LRRC46: variants seen among roughly 807,000 people sequenced by gnomAD.
The protein encoded by LRRC46 is leucine-rich repeat-containing protein 46.
LRRC46 carries 20 observed loss-of-function variants against 28.0 expected under a neutral mutation model. The observed-to-expected ratio is 0.71, with a 90% confidence interval of 0.50 to 1.04. LRRC46 has a LOEUF of 1.04. Among genes scored for constraint, LRRC46 ranks in the 50% least tolerant of loss-of-function variants. The pLI, the probability that LRRC46 is intolerant of heterozygous loss-of-function variation, is 0.00. For synonymous variants in LRRC46, 156 were observed against 158.8 expected (o/e 0.98, Z 0.13); for missense variants, 315 against 390.1 (o/e 0.81, Z 1.62).
At chr17:47,832,530 T>TA (rs1345975333) in intron 2 of LRRC46, among the ~76,000 whole-genome samples, 2 of 151,838 alleles carry the variant, frequency 1.3e-5, no homozygotes, top group Non-Finnish European at 2.9e-5. Context: ...CTCTAAAAAA[T>TA]AAAAATAAAC....
chr17:47,832,400 C>G (rs1163235131), intron 2 of LRRC46, among the ~76,000 whole-genome samples, 195 bp downstream of exon 2: 1 of 152,182 alleles, frequency 6.6e-6, no homozygotes, highest in Non-Finnish European at 1.5e-5. Flanking sequence ...ACTCAACTGT[C>G]TTAGATAAGG....
rs371365977 is a variant in LRRC46 at position 47,836,014 on chromosome 17, C to T, written c.383-19C>T. On this transcript the variant is annotated intron_variant, in intron 5 of 7. Coordinates refer to ENST00000269025, the MANE Select transcript of LRRC46 (RefSeq NM_033413.4). This position sits in a 1 kb window ranked among gnomAD's most constrained non-coding sequence, Gnocchi z 5.8. ...AGATCAAGTGAGAACCCCATTTCCTCTCTCTTTGCTGTGTGCAGATGAGTT... is the reference window on the plus strand; with the variant it reads ...AGATCAAGTGAGAACCCCATTTCCTTTCTCTTTGCTGTGTGCAGATGAGTT... 1.7e-5 allele frequency: 27 copies of T among 1,613,740 alleles called. No homozygotes were observed. The Admixed American group carries it at 4.0e-4, about 24-fold the overall frequency.
Position 47,831,788 on chromosome 17 carries a change from C to G in LRRC46, c.-202C>G, listed in dbSNP as rs748208109. On this transcript the variant is annotated 5_prime_UTR_variant, in exon 1 of 8. Coordinates refer to ENST00000269025, the MANE Select transcript of LRRC46 (RefSeq NM_033413.4). ...GCAAAGCCCCTCCACACCCCTCAAA[C>G]TCCAGACCCTTCACATCAATTTACT... 1.1e-5 allele frequency: 8 copies of G among 699,120 alleles called. No homozygotes were observed. The highest frequency in any genetic ancestry group is 1.9e-5 in the South Asian group (1 of 52,972). 43.3% of individuals were successfully genotyped at this position (699,120 alleles called of 1,614,324 possible).
At chr17:47,835,426 G>A (rs769794199) in intron 4 of LRRC46, 27 bp downstream of exon 4, 79 of 1,613,078 alleles carry the variant, frequency 4.9e-5, no homozygotes, top group Non-Finnish European at 6.3e-5. Context: ...CTCAGGCAGG[G>A]GAAGAGGGGT....
Position 47,832,204 on chromosome 17 carries a change from A to C in LRRC46, c.115A>C (p.Met39Leu). The C allele has an allele frequency of 1.3e-6, 2 of 1,581,922 alleles. No individual in the cohort carries two copies. The highest frequency in any genetic ancestry group is 1.7e-6 in the Non-Finnish European group (2 of 1,161,670). ...TGAAGATGGGGAACTGTCAGAGAAG[A>C]TGTGAGTGCATGGGGGAGAAAAGGG... The part of the protein sequence containing the change: ...FPEDGELSEK[M>L]FHTLDELQTV... Residue 39 changes from methionine (M) to leucine (L), a missense_variant and splice_region_variant, in exon 2 of 8, where the codon ATG becomes CTG. Coordinates refer to ENST00000269025, the MANE Select transcript of LRRC46 (RefSeq NM_033413.4).
Position 47,837,199 on chromosome 17 carries a change from C to A in LRRC46, c.*79C>A. 4 of 1,550,858 alleles carry A rather than the reference C, an allele frequency of 2.6e-6. No individual in the cohort carries two copies. Among genetic ancestry groups the A allele is most frequent in the Non-Finnish European group, 1.7e-6 (2 of 1,153,740 alleles). On this transcript the variant is annotated 3_prime_UTR_variant, in exon 8 of 8. Transcript: ENST00000269025. ...TCAGACCTCTGACCTGTGACAGAAG[C>A]CCATCCCCAGTAAAGTGTCTCTAGG...
At chr17:47,833,990 T>A in intron 2 of LRRC46, 1 of 986,782 alleles carries the variant, frequency 1.0e-6, no homozygotes, top group Non-Finnish European at 1.2e-6. Flanking sequence ...TGTTGTGGAA[T>A]GAATGAATGG....
In LRRC46 at chr17:47,836,142, T is replaced by C; in HGVS notation, c.452+40T>C. The stretch of plus-strand genomic sequence containing the variant: ...GTGGGAAGAAAGGTCATGGCTGAGC[T>C]CTACCTGCTAACTCAGCCCAGACCC... On this transcript the variant is annotated intron_variant, in intron 6 of 7. Transcript: ENST00000269025. This position sits in a 1 kb window ranked among gnomAD's most constrained non-coding sequence, Gnocchi z 5.8. 1 of 1,609,318 alleles carries C rather than the reference T, an allele frequency of 6.2e-7. No homozygotes were observed. Among genetic ancestry groups the C allele is most frequent in the Non-Finnish European group, 8.5e-7 (1 of 1,175,750 alleles).
At position 47,831,788 on chromosome 17, in the gene LRRC46, C is replaced by A; in HGVS notation, c.-202C>A. 1 of 699,118 alleles carries A rather than the reference C, an allele frequency of 1.4e-6. No homozygotes were observed. The highest frequency in any genetic ancestry group is 2.4e-6 in the Non-Finnish European group (1 of 412,206). 43.3% of individuals were successfully genotyped at this position (699,118 alleles called of 1,614,324 possible). A position where few individuals can be genotyped will look rare whatever the true frequency, so the allele number is the denominator to read the frequency against. ...GCAAAGCCCCTCCACACCCCTCAAA[C>A]TCCAGACCCTTCACATCAATTTACT... is the stretch of plus-strand genomic sequence containing the variant. On this transcript the variant is annotated 5_prime_UTR_variant, in exon 1 of 8. Transcript: ENST00000269025.
Position 47,837,182 on chromosome 17 carries a change from C to G in LRRC46, c.*62C>G. 6.4e-7 allele frequency: 1 copy of G among 1,570,592 alleles called. No homozygotes were observed. Among genetic ancestry groups the G allele is most frequent in the Non-Finnish European group, 8.6e-7 (1 of 1,167,326 alleles). ...GGGGCCTGCCCCTCTTCTCAGACCTCTGACCTGTGACAGAAGCCCATCCCC... is the reference window on the plus strand; with the variant it reads ...GGGGCCTGCCCCTCTTCTCAGACCTGTGACCTGTGACAGAAGCCCATCCCC... On this transcript the variant is annotated 3_prime_UTR_variant, in exon 8 of 8. Coordinates refer to ENST00000269025, the MANE Select transcript of LRRC46 (RefSeq NM_033413.4).
Position 47,836,534 on chromosome 17 carries a change from A to G in LRRC46, c.595+59A>G. ...AGAGCCCACCTCTGCCCTGTGGGAC[A>G]TGAGGGAAGCTAAGGTGGCAGTGGC... is the stretch of plus-strand genomic sequence containing the variant. On this transcript the variant is annotated intron_variant, in intron 7 of 7. Transcript: ENST00000269025. The surrounding 1 kb of genome is among the most constrained non-coding windows in gnomAD (Gnocchi z 5.8). 4.4e-6 allele frequency: 7 copies of G among 1,588,204 alleles called. No homozygotes were observed. Among genetic ancestry groups the G allele is most frequent in the Non-Finnish European group, 6.0e-6 (7 of 1,165,750 alleles).
rs775737579 is a variant in LRRC46, at chr17:47,836,802, A to G, written c.648A>G (p.Gln216=). 1.9e-6 allele frequency: 3 copies of G among 1,613,974 alleles called. No homozygotes were observed. In the South Asian group the frequency reaches 3.3e-5, roughly 18 times the overall value. ...TGAGCAGGCACAGGGAGCACCGGCA[A>G]CAGACGGCCCTGACAGAGCACCTGC... The part of the protein sequence containing the change: ...QELSRHREHR[Q]QTALTEHLLR... Residue 216 remains glutamine, a synonymous_variant, in exon 8 of 8, where the codon CAA becomes CAG. Coordinates refer to ENST00000269025, the MANE Select transcript of LRRC46 (RefSeq NM_033413.4). This position sits in a 1 kb window ranked among gnomAD's most constrained non-coding sequence, Gnocchi z 5.8.
intron 2 of LRRC46, among the ~76,000 whole-genome samples, chr17:47,833,006 A>G (rs1173872920): frequency 2.0e-5 from 3 of 152,096 alleles, no homozygotes; most frequent in African/African-American, 7.2e-5. Flanking sequence ...GAGGGGGTGC[A>G]GGGGTAGGAC....
chr17:47,837,597 A>T lies in LRRC46; in HGVS notation c.*477A>T. ...CACTCACCCACTCATAGGAATGAGT[A>T]CACAACCACAGGCCCCGCAGCCAGC... On this transcript the variant is annotated 3_prime_UTR_variant, in exon 8 of 8. Coordinates refer to ENST00000269025, the MANE Select transcript of LRRC46 (RefSeq NM_033413.4). The T allele has an allele frequency of 1.9e-6, 1 of 531,198 alleles. No individual in the cohort carries two copies. Among genetic ancestry groups the T allele is most frequent in the Non-Finnish European group, 3.3e-6 (1 of 306,998 alleles). 32.9% of individuals were successfully genotyped at this position (531,198 alleles called of 1,614,324 possible).
rs368181758 is a variant in LRRC46 at position 47,836,502 on chromosome 17, C to T, written c.595+27C>T. 299 of 1,611,376 alleles carry T rather than the reference C, an allele frequency of 1.9e-4. No homozygotes were observed. Among genetic ancestry groups the T allele is most frequent in the Admixed American group, 6.8e-4 (41 of 59,880 alleles). On this transcript the variant is annotated intron_variant, in intron 7 of 7. Transcript: ENST00000269025. The surrounding 1 kb of genome is among the most constrained non-coding windows in gnomAD (Gnocchi z 5.8). ...TGACCCTGCTTTCCAAGGTTTTCAG[C>T]CTCCCCAGAGCCCACCTCTGCCCTG...
Position 47,835,218 on chromosome 17 carries a change from G to A in LRRC46, c.226-135G>A, listed in dbSNP as rs2033679103. On this transcript the variant is annotated intron_variant, in intron 3 of 7. Coordinates refer to ENST00000269025, the MANE Select transcript of LRRC46 (RefSeq NM_033413.4). ...CTTAAGGTAGTGGCAACCTGTTCAAGGAGTGGGGTGATCATTCCCAAAGTG... is the reference window on the plus strand; with the variant it reads ...CTTAAGGTAGTGGCAACCTGTTCAAAGAGTGGGGTGATCATTCCCAAAGTG... 1.0e-5 allele frequency: 9 copies of A among 893,930 alleles called. No homozygotes were observed. In the South Asian group the frequency reaches 1.2e-4, roughly 12 times the overall value. The allele number at this position is 893,930 out of a possible 1,614,324, so 55.4% of individuals were successfully genotyped here.
rs765176245 is a variant in LRRC46, at chr17:47,836,457, C to CT, written c.577_578insT (p.Pro193LeufsTer71). On this transcript the variant is annotated frameshift_variant, in exon 7 of 8. Transcript: ENST00000269025. LOFTEE classifies it low-confidence loss of function (END_TRUNC). The surrounding 1 kb of genome is among the most constrained non-coding windows in gnomAD (Gnocchi z 5.8). The stretch of plus-strand genomic sequence containing the variant: ...TGAGGAGTTCCCAGAGCTGAGTGGC[C>CT]CATTCTGCTCAGAACGAGGTGACCC... The CT allele has an allele frequency of 6.2e-7, 1 of 1,614,042 alleles. No homozygotes were observed. Among genetic ancestry groups the CT allele is most frequent in the Admixed American group, 1.7e-5 (1 of 60,012 alleles).
Position 47,835,353 on chromosome 17 carries a change from A to C in LRRC46, c.226A>C (p.Asn76His), listed in dbSNP as rs779311176. ...QNLHSLYLQGNKIQQIENLAC... is the reference protein window; with the variant it reads ...QNLHSLYLQGHKIQQIENLAC... ...TCCCCACTTCGGTTTCTTCTTGCAG[A>C]ATAAGATCCAGCAAATTGAGAACCT... The change falls in exon 4 of 8, where the codon AAT (asparagine) becomes CAT (histidine). Residue 76 changes from asparagine to histidine, a missense_variant and splice_region_variant. Physicochemically the swap from Asn to His is moderately conservative, Grantham distance 68. Coordinates refer to ENST00000269025, the MANE Select transcript of LRRC46 (RefSeq NM_033413.4). The C allele has an allele frequency of 1.2e-6, 2 of 1,614,064 alleles. No homozygotes were observed. Among genetic ancestry groups the C allele is most frequent in the Admixed American group, 1.7e-5 (1 of 60,006 alleles).
In LRRC46 at chr17:47,831,728, ACCATT is replaced by A; in HGVS notation, c.-259_-255del. The A allele has an allele frequency of 1.6e-6, 1 of 641,138 alleles. No individual in the cohort carries two copies. Among genetic ancestry groups the A allele is most frequent in the Non-Finnish European group, 2.7e-6 (1 of 371,038 alleles). The allele number at this position is 641,138 out of a possible 1,614,324, so 39.7% of individuals were successfully genotyped here. ...CTTCCTAGGAACTGCTCCTTTCTCA[ACCATT>A]CCTGCCCACAACACCCCAGCTTGCT... On this transcript the variant is annotated 5_prime_UTR_variant, in exon 1 of 8. Transcript: ENST00000269025.
Sources: allele counts gnomAD v4.1 joint callset (sites outside exome capture counted in the v4.1 genomes callset), GRCh38; gene constraint gnomAD v4.1.1; non-coding constraint Gnocchi (gnomAD v3.1); transcripts MANE v1.5; gene names NCBI Gene and HGNC (gene_info 2026-07-23, HGNC 2026-07-21).